PPP4R1: variants seen among roughly 807,000 people sequenced by gnomAD.
PPP4R1 encodes protein phosphatase 4 regulatory subunit 1.
PPP4R1 carries 42 observed loss-of-function variants against 111.2 expected under a neutral mutation model. The observed-to-expected ratio is 0.38, with a 90% CI of 0.29 to 0.49. The LOEUF (loss-of-function observed/expected upper bound fraction) is 0.49, where lower values mean the gene tolerates loss of function less well. Among genes scored for constraint, PPP4R1 ranks in the 20% least tolerant of loss-of-function variants. The pLI, the probability that PPP4R1 is intolerant of heterozygous loss-of-function variation, is 0.97. For synonymous variants in PPP4R1, 409 were observed against 405.5 expected, an observed-to-expected ratio of 1.01 and a Z score of -0.10; for missense variants, 1,012 against 1,161.6, an observed-to-expected ratio of 0.87 and a Z score of 1.87.
At chr18:9,552,997 G>A (rs887517478) in intron 16 of PPP4R1, among the ~76,000 whole-genome samples, 14 of 152,126 alleles carry the variant, frequency 9.2e-5, no homozygotes, top group South Asian at 6.2e-4. Flanking sequence ...TTTTCTTTTC[G>A]GGAGGTTAAC....
chr18:9,601,032 G>T (rs143210641), intron 2 of PPP4R1, among the ~76,000 whole-genome samples: 39 of 152,158 alleles, frequency 2.6e-4, no homozygotes, highest in Admixed American at 8.5e-4. Flanking sequence ...ACAGATTCTT[G>T]AACACTGTAA....
At chr18:9,604,263 C>A (rs1304259490) in intron 2 of PPP4R1, among the ~76,000 whole-genome samples, 1 of 152,138 alleles carries the variant, frequency 6.6e-6, no homozygotes, top group African/African-American at 2.4e-5. Flanking sequence ...TGCCTGGATC[C>A]ATCTACTCCC....
At chr18:9,573,433 A>G (rs943134159) in intron 10 of PPP4R1, among the ~76,000 whole-genome samples, 9 of 152,256 alleles carry the variant, frequency 5.9e-5, no homozygotes, top group African/African-American at 2.2e-4. Context: ...CTACATGGAT[A>G]TATGAAGTTC....
At chr18:9,575,058 T>C (rs922000470) in intron 10 of PPP4R1, among the ~76,000 whole-genome samples, 1 of 152,236 alleles carries the variant, frequency 6.6e-6, no homozygotes, top group Non-Finnish European at 1.5e-5. Flanking sequence ...AGTCAGATGT[T>C]TGGAATCAAT....
At chr18:9,584,932 A>G in intron 6 of PPP4R1, 104 bp from the exon 7 acceptor site, 3 of 921,878 alleles carry the variant, frequency 3.3e-6, no homozygotes, top group Non-Finnish European at 5.0e-6. Context: ...AAAATATGAT[A>G]TGGCATCATT....
chr18:9,563,413 C>G lies in PPP4R1; in HGVS notation c.1711G>C (p.Glu571Gln), dbSNP rs772885588. The G allele has an allele frequency of 1.2e-6, 2 of 1,613,046 alleles. No homozygotes were observed. Among genetic ancestry groups the G allele is most frequent in the South Asian group, 2.2e-5 (2 of 91,012 alleles). The change falls in exon 12 of 20, where the codon GAA (glutamate) becomes CAA (glutamine). Residue 571 changes from glutamate (E) to glutamine (Q), a missense_variant. Coordinates refer to ENST00000400556, the MANE Select transcript of PPP4R1 (RefSeq NM_001042388.3). ...NELPNCKINQ[E>Q]DSVPLISDAV... ...TCGCTGATTAAAGGCACAGAATCTT[C>G]TTGATTTATTTTACAATTTGGTAGC...
At chr18:9,548,072 T>C in intron 19 of PPP4R1, 120 bp from the exon 20 acceptor site, 1 of 1,006,622 alleles carries the variant, frequency 9.9e-7, no homozygotes, top group Non-Finnish European at 1.4e-6. Flanking sequence ...CAAGCCACAC[T>C]GAAACATAAA....
At chr18:9,589,548 T>C (rs953467225) in intron 4 of PPP4R1, among the ~76,000 whole-genome samples, 1 of 152,120 alleles carries the variant, frequency 6.6e-6, no homozygotes, top group African/African-American at 2.4e-5. Flanking sequence ...TATTAAATGT[T>C]CAATCTTGAG....
chr18:9,572,053 A>G (rs371346268), intron 10 of PPP4R1, among the ~76,000 whole-genome samples: 4 of 152,354 alleles, frequency 2.6e-5, no homozygotes, highest in South Asian at 2.1e-4. Context: ...AGCAGCAAAA[A>G]TCAACAGGAC....
intron 11 of PPP4R1, among the ~76,000 whole-genome samples, chr18:9,568,161 C>CT (rs1455419075): frequency 6.6e-6 from 1 of 152,130 alleles, no homozygotes; most frequent in African/African-American, 2.4e-5. Context: ...GTGGCTGGGA[C>CT]TACAGGAGTG....
intron 11 of PPP4R1, among the ~76,000 whole-genome samples, chr18:9,564,501 T>G (rs897279537): frequency 6.6e-6 from 1 of 152,184 alleles, no homozygotes; most frequent in Non-Finnish European, 1.5e-5. Flanking sequence ...TTAAGAAAAT[T>G]GAACATATTC....
At chr18:9,573,448 T>C (rs1428657359) in intron 10 of PPP4R1, among the ~76,000 whole-genome samples, 2 of 152,228 alleles carry the variant, frequency 1.3e-5, no homozygotes, top group Non-Finnish European at 2.9e-5. Flanking sequence ...AAGTTCTTTG[T>C]GATATCCTTG....
intron 2 of PPP4R1, among the ~76,000 whole-genome samples, chr18:9,598,795 C>T (rs566232534): frequency 1.3e-5 from 2 of 151,996 alleles, no homozygotes; most frequent in South Asian, 2.1e-4. Flanking sequence ...GAGGCCGAGG[C>T]GGATGGATCA....
intron 2 of PPP4R1, chr18:9,599,746 G>A (rs1412994733): frequency 6.6e-6 from 1 of 152,072 alleles, no homozygotes; most frequent in South Asian, 2.1e-4. Flanking sequence ...CTTTATAAAG[G>A]CTGTAGAATT....
chr18:9,584,831 A>T lies in PPP4R1; in HGVS notation c.586-3T>A. On this transcript the variant is annotated splice_region_variant and splice_polypyrimidine_tract_variant and intron_variant, in intron 6 of 19. Coordinates refer to ENST00000400556, the MANE Select transcript of PPP4R1 (RefSeq NM_001042388.3). ...ATGGGAGCCATTTTGCACATTATCT[A>T]AAATAAGTAAGAACAAACACACACT... The T allele has an allele frequency of 1.3e-6, 2 of 1,598,272 alleles. No individual in the cohort carries two copies. Among genetic ancestry groups the T allele is most frequent in the Non-Finnish European group, 1.7e-6 (2 of 1,167,972 alleles).
intron 19 of PPP4R1, among the ~76,000 whole-genome samples, chr18:9,548,652 C>T (rs969062955): frequency 1.3e-5 from 2 of 152,190 alleles, no homozygotes; most frequent in African/African-American, 2.4e-5. Context: ...CACGGTGGGT[C>T]ATGCCTGTAA....
At chr18:9,600,277 G>A (rs11081487) in intron 2 of PPP4R1, among the ~76,000 whole-genome samples, 23,235 of 149,282 alleles carry the variant, frequency 0.16, 2,401 homozygotes, top group African/African-American at 0.29. Flanking sequence ...GAAAGATAAT[G>A]GAGAAACTAA....
At chr18:9,569,191 GAAAA>G (rs1175501445) in intron 11 of PPP4R1, among the ~76,000 whole-genome samples, 1 of 53,310 alleles carries the variant, frequency 1.9e-5, no homozygotes, top group Admixed American at 2.1e-4. Context: ...CTCCGTCTCA[GAAAA>G]AAAAAAAAAA....
At position 9,549,179 on chromosome 18, in the gene PPP4R1, A is replaced by G. The variant is rs866516402; in HGVS notation, c.2689+18T>C. 8.1e-6 allele frequency: 13 copies of G among 1,608,068 alleles called. No individual in the cohort carries two copies. In the Middle Eastern group the frequency reaches 6.6e-4, roughly 82 times the overall value. On this transcript the variant is annotated intron_variant, in intron 19 of 19. Transcript: ENST00000400556. The stretch of plus-strand genomic sequence containing the variant: ...CCTTCTCTACTCACACGCTTCTTCT[A>G]GTGGAGTCACTACCTACCTTTTTCT...
Sources: gnomAD v4.1 joint callset for allele counts (sites outside exome capture counted in the v4.1 genomes callset) on GRCh38, gnomAD v4.1.1 for gene constraint, MANE v1.5 for transcripts, NCBI Gene and HGNC (gene_info 2026-07-23, HGNC 2026-07-21) for gene names.